Variants in SLC28A1 observed in about 807,000 individuals in gnomAD.
The protein encoded by SLC28A1 is solute carrier family 28 member 1, also known as sodium/nucleoside cotransporter 1.
Under a neutral mutation model 74.8 loss-of-function variants are expected in SLC28A1, and 64 were observed. The ratio of observed to expected loss-of-function variants is 0.86; its 90% confidence interval spans 0.70 to 1.05. The LOEUF (loss-of-function observed/expected upper bound fraction) is 1.05, where lower values mean the gene tolerates loss of function less well. Among genes scored for constraint, SLC28A1 ranks in the 50% least tolerant of loss-of-function variants. The pLI is 0.00. For missense variants in SLC28A1, 828 were observed against 822.8 expected (o/e 1.01, Z -0.08); for synonymous variants, 359 against 335.0 (o/e 1.07, Z -0.78).
At chr15:84,886,911 AACTG>A in intron 2 of SLC28A1, 124 bp downstream of exon 2, 7 of 402,936 alleles carry the variant, frequency 1.7e-5, no homozygotes, top group South Asian at 1.0e-4. Flanking sequence ...ATGTCAGCCT[AACTG>A]GGCTGGCATT....
At position 84,943,533 on chromosome 15, in the gene SLC28A1, C is replaced by G; in HGVS notation, c.1663+7C>G. Reference sequence around the variant, plus strand: ...ATCATGCTGGGAGGCTTGAGTGAGTCTAATCAGGGCCTCACCAGTGTCTAG... The same window carrying G: ...ATCATGCTGGGAGGCTTGAGTGAGTGTAATCAGGGCCTCACCAGTGTCTAG... On this transcript the variant is annotated splice_region_variant and intron_variant, in intron 16 of 18. Transcript: ENST00000394573. 1 of 1,608,106 alleles carries G rather than the reference C, an allele frequency of 6.2e-7. No homozygotes were observed. Among genetic ancestry groups the G allele is most frequent in the Non-Finnish European group, 8.5e-7 (1 of 1,174,494 alleles).
rs375670708 is a variant in SLC28A1, at chr15:84,935,313, G to A, written c.1384-8G>A. 3.1e-6 allele frequency: 5 copies of A among 1,614,000 alleles called. No homozygotes were observed. The African/African-American group carries it at 6.7e-5, about 22-fold the overall frequency. ...CCCTCGGTGCCAGCCATACCGTTGT[G>A]CCCTCAGCTCATCTGCTCCTACATC... On this transcript the variant is annotated splice_region_variant and splice_polypyrimidine_tract_variant and intron_variant, in intron 14 of 18. Transcript: ENST00000394573.
chr15:84,935,413 G>A lies in SLC28A1; in HGVS notation c.1476G>A (p.Lys492=), dbSNP rs1002879151. 1 of 1,614,258 alleles carries A rather than the reference G, an allele frequency of 6.2e-7. No homozygotes were observed. Among genetic ancestry groups the A allele is most frequent in the East Asian group, 2.2e-5 (1 of 44,886 alleles). The change falls in exon 15 of 19, where the codon AAG becomes AAA. Residue 492 remains lysine (K), a synonymous_variant. Transcript: ENST00000394573. ...CPVVAELLGI[K]LFLNEFVAYQ... is the part of the protein sequence containing the mutation. ...TGGTAGCTGAGCTGCTGGGGATCAA[G>A]CTGTTTCTGAACGAGTTTGTGGCCT...
chr15:84,969,252 T>C, the SLC28A1 span, among the ~76,000 whole-genome samples: 30 of 152,232 alleles, frequency 2.0e-4, no homozygotes, highest in African/African-American at 7.2e-4. Context: ...ATTGCTGAGG[T>C]TGCCACCACG....
chr15:84,886,857 G>T (rs186967310), intron 2 of SLC28A1, 70 bp downstream of exon 2: 12 of 823,730 alleles, frequency 1.5e-5, no homozygotes, highest in Admixed American at 1.2e-4. Context: ...GGCATTCCCA[G>T]GCTCTGCCTG....
downstream of SLC28A1, among the ~76,000 whole-genome samples, chr15:84,946,105 T>TAG (rs2079210928): frequency 2.6e-5 from 1 of 37,818 alleles, no homozygotes; most frequent in Admixed American, 3.0e-4. Context: ...TATATATATA[T>TAG]ATATATATTT....
At chr15:84,932,655 C>A (rs961963987) in intron 12 of SLC28A1, among the ~76,000 whole-genome samples, 1 of 152,180 alleles carries the variant, frequency 6.6e-6, no homozygotes, top group African/African-American at 2.4e-5. Context: ...TGGTTTAGCT[C>A]TTAAATCCAT....
chr15:84,908,916 G>C, intron 9 of SLC28A1, 121 bp downstream of exon 9: 1 of 806,900 alleles, frequency 1.2e-6, no homozygotes, highest in Non-Finnish European at 2.1e-6. Context: ...GGCAGAGGTC[G>C]CCGTACTGGG....
In SLC28A1 at chr15:84,906,542, TTCTTTCTTTCTTTCTTTCTTTC is replaced by T. The variant is rs1275651760; in HGVS notation, c.717+903_717+924del. Among the ~76,000 whole-genome samples the T allele has an allele frequency of 4.2e-3, 267 of 63,306 alleles. 2 individuals carry two copies. The highest frequency in any genetic ancestry group is 0.025 in the East Asian group (63 of 2,512). The allele number at this position is 63,306 out of a possible 152,430, so 41.5% of individuals were successfully genotyped here. ...TTTGTTTGTTTGTTTCTTTCTTTCT[TTCTTTCTTTCTTTCTTTCTTTC>T]TCTTTCTTTCTTCCTTCCTTCCTTC... is the stretch of plus-strand genomic sequence containing the variant. On this transcript the variant is annotated intron_variant, in intron 8 of 18. Transcript: ENST00000394573.
At chr15:84,908,633 C>G in intron 8 of SLC28A1, 85 bp from the exon 9 acceptor site, 3 of 1,197,934 alleles carry the variant, frequency 2.5e-6, no homozygotes, top group Non-Finnish European at 3.7e-6. Context: ...CCTGGGCCAA[C>G]CCGCCTGTCT....
At chr15:84,889,770 C>T (rs1965139247) in intron 4 of SLC28A1, among the ~76,000 whole-genome samples, 1 of 126,092 alleles carries the variant, frequency 7.9e-6, no homozygotes, top group East Asian at 2.3e-4. Flanking sequence ...CCTTCCTTTT[C>T]TTTCTCTCTT....
chr15:84,887,673 T>C, intron 2 of SLC28A1, 72 bp from the exon 3 acceptor site: 1 of 1,581,908 alleles, frequency 6.3e-7, no homozygotes, highest in Non-Finnish European at 8.7e-7. Flanking sequence ...CTCTCCCCTT[T>C]CCCCGGGCCC....
At chr15:84,891,415 G>A (rs929798189) in intron 5 of SLC28A1, among the ~76,000 whole-genome samples, 5 of 152,186 alleles carry the variant, frequency 3.3e-5, no homozygotes, top group African/African-American at 1.2e-4. Flanking sequence ...GAGAACATGC[G>A]TGCAGAGGGA....
intron 9 of SLC28A1, among the ~76,000 whole-genome samples, chr15:84,911,659 C>CAG (rs961109479): frequency 2.0e-5 from 3 of 151,988 alleles, no homozygotes; most frequent in Non-Finnish European, 4.4e-5. Flanking sequence ...TTCAGGAGTT[C>CAG]GAGACCAGCC....
chr15:84,964,497 T>C, the SLC28A1 span, among the ~76,000 whole-genome samples: 15 of 152,340 alleles, frequency 9.8e-5, no homozygotes, highest in South Asian at 8.3e-4. Context: ...CCAATATCAA[T>C]TGCAAGTAAC....
chr15:84,925,308 A>C (rs1231148927), intron 12 of SLC28A1, among the ~76,000 whole-genome samples: 2 of 151,972 alleles, frequency 1.3e-5, no homozygotes, highest in Non-Finnish European at 2.9e-5. Context: ...ACTTGTTAGA[A>C]ATGCAAATTC....
the SLC28A1 span, among the ~76,000 whole-genome samples, chr15:84,960,720 A>G: frequency 1.3e-5 from 2 of 152,212 alleles, no homozygotes; most frequent in Non-Finnish European, 1.5e-5. Flanking sequence ...TCGCTTTTGC[A>G]GTAATAGGTG....
chr15:84,926,221 CAG>C (rs1031928760), intron 12 of SLC28A1, among the ~76,000 whole-genome samples: 7 of 151,702 alleles, frequency 4.6e-5, no homozygotes, highest in Non-Finnish European at 1.0e-4. Flanking sequence ...TAGAGAGAGA[CAG>C]AGTTTCCCTC....
chr15:84,906,573 TCTTCCTTCCTTCCTTCCTTCCTTCCTTC>T lies in SLC28A1; in HGVS notation c.717+947_717+974del, dbSNP rs71135327. On this transcript the variant is annotated intron_variant, in intron 8 of 18. Transcript: ENST00000394573. ...CTTTCTTTCTTTCTTTCTCTTTCTT[TCTTCCTTCCTTCCTTCCTTCCTTCCTTC>T]CTTCCTTCCTTCCTTCCTTCCTTCC... 8.0e-4 allele frequency among the ~76,000 whole-genome samples: 78 copies of T among 98,066 alleles called. 2 individuals carry two copies. Among genetic ancestry groups the T allele is most frequent in the Non-Finnish European group, 1.5e-3 (68 of 45,876 alleles). The allele number at this position is 98,066 out of a possible 152,430, so 64.3% of individuals were successfully genotyped here.
Sources: allele counts gnomAD v4.1 joint callset (sites outside exome capture counted in the v4.1 genomes callset), GRCh38; gene constraint gnomAD v4.1.1; transcripts MANE v1.5; gene names NCBI Gene and HGNC (gene_info 2026-07-23, HGNC 2026-07-21).